The following PLAGL1 variants were observed in gnomAD, a reference collection of about 807,000 sequenced individuals.
PLAGL1 encodes PLAG1 like zinc finger 1.
PLAGL1 carries 1 observed loss-of-function variant against 4.6 expected under a neutral mutation model. That is an observed-to-expected ratio of 0.22 (90% CI 0.08 to 1.03). The LOEUF is 1.03. PLAGL1 is among the 50% of genes least tolerant of loss of function. PLAGL1 has a pLI of 0.58. For synonymous variants in PLAGL1, 240 were observed against 237.8 expected, an observed-to-expected ratio of 1.01 and a Z score of -0.08; for missense variants, 464 against 570.4, an observed-to-expected ratio of 0.81 and a Z score of 1.90.
At chr6:144,043,525 C>A (rs911206562) in intron 1 of PLAGL1, among the ~76,000 whole-genome samples, 1 of 152,050 alleles carries the variant, frequency 6.6e-6, no homozygotes. Flanking sequence ...GGGATGAAAC[C>A]AATTTGATCT....
At position 144,005,972 on chromosome 6, in the gene PLAGL1, T is replaced by G. The variant is rs972805891; in HGVS notation, c.-584+2118A>C. The G allele has an allele frequency of 3.9e-5, 6 of 152,138 alleles. No individual in the cohort carries two copies. Among genetic ancestry groups the G allele is most frequent in the African/African-American group, 1.4e-4 (6 of 41,448 alleles). The allele number at this position is 152,138 out of a possible 1,614,324, so 9.4% of individuals were successfully genotyped here. On this transcript the variant is annotated intron_variant, in intron 1 of 7. Transcript: ENST00000674357. The surrounding 1 kb of genome is among the most constrained non-coding windows in gnomAD (Gnocchi z 4.6). ...TTTCGTTTTTCATAACAAAATTTGA[T>G]TTTAGCTAAAATTACTATATAAAAT...
intron 7 of PLAGL1, among the ~76,000 whole-genome samples, chr6:143,944,266 C>A (rs768367078): frequency 1.3e-5 from 2 of 152,132 alleles, no homozygotes; most frequent in African/African-American, 4.8e-5. Context: ...CTGCCCTATA[C>A]TGTTTATTCC....
chr6:143,986,000 A>ATATATATATATATATATC lies in PLAGL1; in HGVS notation c.-583-827_-583-826insGATATATATATATATATA, dbSNP rs1415118138. Reference sequence around the variant, plus strand: ...TATAAAATTATATATATATATATATATATATATATATCATTTAATCCTTTT... The same window carrying ATATATATATATATATATC: ...TATAAAATTATATATATATATATATATATATATATATATATATCTATATATATATCATTTAATCCTTTT... On this transcript the variant is annotated intron_variant, in intron 1 of 7. Transcript: ENST00000674357. This position sits in a 1 kb window ranked among gnomAD's most constrained non-coding sequence, Gnocchi z 4.4. 7.1e-6 allele frequency among the ~76,000 whole-genome samples: 1 copy of ATATATATATATATATATC among 140,640 alleles called. No homozygotes were observed. The highest frequency in any genetic ancestry group is 1.5e-5 in the Non-Finnish European group (1 of 64,596). 92.3% of individuals were successfully genotyped at this position (140,640 alleles called of 152,430 possible).
At chr6:144,047,912 C>T (rs538298350) in intron 1 of PLAGL1, among the ~76,000 whole-genome samples, 2 of 152,182 alleles carry the variant, frequency 1.3e-5, no homozygotes, top group African/African-American at 2.4e-5. Flanking sequence ...GACAAGGCAA[C>T]TCCCTTCCTC....
rs554776524 is a variant in PLAGL1, at chr6:143,995,962, T to C, written c.-583-10788A>G. ...AGACCTCTAATCTTTTTTCCAAAAA[T>C]ATCAAGGATAAAGGATGGTCAGGAG... On this transcript the variant is annotated intron_variant, in intron 1 of 7. Transcript: ENST00000674357. This position sits in a 1 kb window ranked among gnomAD's most constrained non-coding sequence, Gnocchi z 4.4. Among the ~76,000 whole-genome samples the C allele has an allele frequency of 6.6e-6, 1 of 152,288 alleles. No homozygotes were observed. The highest frequency in any genetic ancestry group is 1.9e-4 in the East Asian group (1 of 5,190).
chr6:144,060,089 C>G (rs565521021), intron 1 of PLAGL1, among the ~76,000 whole-genome samples: 2 of 152,054 alleles, frequency 1.3e-5, no homozygotes, highest in East Asian at 3.9e-4. Context: ...ACTCTGTTGC[C>G]CAGGCTGAAG....
At chr6:143,998,346 T>C (rs1210520316) in intron 1 of PLAGL1, among the ~76,000 whole-genome samples, 2 of 152,240 alleles carry the variant, frequency 1.3e-5, no homozygotes, top group African/African-American at 2.4e-5. Context: ...TTCTTCATTT[T>C]TAGCACAAGG....
At chr6:143,986,688 A>C (rs1327755621) in intron 1 of PLAGL1, among the ~76,000 whole-genome samples, 2 of 152,248 alleles carry the variant, frequency 1.3e-5, no homozygotes, top group East Asian at 3.8e-4. Flanking sequence ...TTAATAATAT[A>C]GCATTATTAC....
chr6:144,062,563 C>T (rs1366160377), intron 1 of PLAGL1, among the ~76,000 whole-genome samples: 1 of 151,814 alleles, frequency 6.6e-6, no homozygotes, highest in Non-Finnish European at 1.5e-5. Context: ...ACTGTTTACC[C>T]GTCCCTGTTT....
At position 143,965,047 on chromosome 6, in the gene PLAGL1, A is replaced by G. The variant is rs887545823; in HGVS notation, c.-430-229T>C. Reference sequence around the variant, plus strand: ...GCACGGAGCGGGATGGCTGATTTCCATAAGATGGAAATGATTGCATGCTGG... The same window carrying G: ...GCACGGAGCGGGATGGCTGATTTCCGTAAGATGGAAATGATTGCATGCTGG... On this transcript the variant is annotated intron_variant, in intron 4 of 7. Transcript: ENST00000674357. This position sits in a 1 kb window ranked among gnomAD's most constrained non-coding sequence, Gnocchi z 7.5. 4.6e-5 allele frequency: 7 copies of G among 152,218 alleles called. No individual in the cohort carries two copies. The highest frequency in any genetic ancestry group is 1.4e-4 in the African/African-American group (6 of 41,452). 9.4% of individuals were successfully genotyped at this position (152,218 alleles called of 1,614,324 possible). A position where few individuals can be genotyped will look rare whatever the true frequency, so the allele number is the denominator to read the frequency against.
intron 1 of PLAGL1, among the ~76,000 whole-genome samples, chr6:144,002,313 ACAT>A (rs1793081070): frequency 6.6e-6 from 1 of 152,200 alleles, no homozygotes; most frequent in South Asian, 2.1e-4. Context: ...AGTACAGTAA[ACAT>A]CACCCTTAAT....
rs1169364361 is a variant in PLAGL1 at position 143,948,850 on chromosome 6, A to G, written c.-324-390T>C. 3.9e-5 allele frequency among the ~76,000 whole-genome samples: 6 copies of G among 152,186 alleles called. No individual in the cohort carries two copies. Among genetic ancestry groups the G allele is most frequent in the Non-Finnish European group, 8.8e-5 (6 of 68,034 alleles). ...TGTTTTTACTGGTCCATAAACAAAA[A>G]TCACCCACACTTACTCAAACCACGG... On this transcript the variant is annotated intron_variant, in intron 6 of 7. Coordinates refer to ENST00000674357, the MANE Select transcript of PLAGL1 (RefSeq NM_001317162.2). This position sits in a 1 kb window ranked among gnomAD's most constrained non-coding sequence, Gnocchi z 6.0.
intron 1 of PLAGL1, among the ~76,000 whole-genome samples, chr6:144,057,796 T>A (rs1583916196): frequency 7.5e-6 from 1 of 134,192 alleles, no homozygotes. Context: ...TTTTTTTTTT[T>A]ACCTCTACAT....
chr6:143,985,966 T>TTATATATATATCAAATTATA lies in PLAGL1; in HGVS notation c.-583-793_-583-792insTATAATTTGATATATATATA, dbSNP rs1788968512. Reference sequence around the variant, plus strand: ...GATATATATACACATATATATCAAATTATATATATATAAAATTATATATAT... The same window carrying TTATATATATATCAAATTATA: ...GATATATATACACATATATATCAAATTATATATATATCAAATTATATATATATATATAAAATTATATATAT... On this transcript the variant is annotated intron_variant, in intron 1 of 7. Coordinates refer to ENST00000674357, the MANE Select transcript of PLAGL1 (RefSeq NM_001317162.2). This position sits in a 1 kb window ranked among gnomAD's most constrained non-coding sequence, Gnocchi z 4.4. Among the ~76,000 whole-genome samples, 5 of 107,880 alleles carry TTATATATATATCAAATTATA rather than the reference T, an allele frequency of 4.6e-5. No homozygotes were observed. The highest frequency in any genetic ancestry group is 4.0e-4 in the Admixed American group (4 of 10,046). The allele number at this position is 107,880 out of a possible 152,430, so 70.8% of individuals were successfully genotyped here. A position where few individuals can be genotyped will look rare whatever the true frequency, so the allele number is the denominator to read the frequency against.
rs187320243 is a variant in PLAGL1, at chr6:143,956,446, A to T, written c.-325+4023T>A. On this transcript the variant is annotated intron_variant, in intron 6 of 7. Coordinates refer to ENST00000674357, the MANE Select transcript of PLAGL1 (RefSeq NM_001317162.2). The stretch of plus-strand genomic sequence containing the variant: ...GGTCTACTGATAGGCCTATGGTGAT[A>T]AAAATGAGCAAAATGAGAATTAAGT... 6.7e-3 allele frequency among the ~76,000 whole-genome samples: 1,018 copies of T among 152,334 alleles called. 52 individuals are homozygous for T. Among genetic ancestry groups the T allele is most frequent in the Admixed American group, 0.061 (941 of 15,308 alleles).
Position 144,027,242 on chromosome 6 carries a change from A to AGAAAGAAC in PLAGL1, c.-151+37225_-151+37226insGTTCTTTC, listed in dbSNP as rs1796420619. ...CCAACTCAAAGAACGAACGAAAGAA[A>AGAAAGAAC]GAAAGAAAGAAAGAAAGAAAGAAAG... On this transcript the variant is annotated intron_variant, in intron 1 of 3. Coordinates refer to the PLAGL1 transcript ENST00000437412. This position sits in a 1 kb window ranked among gnomAD's most constrained non-coding sequence, Gnocchi z 5.8. Among the ~76,000 whole-genome samples, 1 of 86,164 alleles carries AGAAAGAAC rather than the reference A, an allele frequency of 1.2e-5. No individual in the cohort carries two copies. The highest frequency in any genetic ancestry group is 2.6e-5 in the Non-Finnish European group (1 of 38,586). 56.5% of individuals were successfully genotyped at this position (86,164 alleles called of 152,430 possible).
rs1282780164 is a variant in PLAGL1 at position 143,952,304 on chromosome 6, G to A, written c.-324-3844C>T. Among the ~76,000 whole-genome samples the A allele has an allele frequency of 6.6e-6, 1 of 152,172 alleles. No homozygotes were observed. The highest frequency in any genetic ancestry group is 2.4e-5 in the African/African-American group (1 of 41,432). On this transcript the variant is annotated intron_variant, in intron 6 of 7. Transcript: ENST00000674357. This position sits in a 1 kb window ranked among gnomAD's most constrained non-coding sequence, Gnocchi z 6.1. ...ACCAACGATCCTAACAGAACTTACA[G>A]AGCAATGGTCCTGATGCGAGTCATT... is the stretch of plus-strand genomic sequence containing the variant.
chr6:144,031,524 G>C (rs1796831442), intron 1 of PLAGL1, among the ~76,000 whole-genome samples: 1 of 152,182 alleles, frequency 6.6e-6, no homozygotes, highest in Non-Finnish European at 1.5e-5. Flanking sequence ...GTTGATCTTT[G>C]TATAAGAAGA....
intron 1 of PLAGL1, among the ~76,000 whole-genome samples, chr6:144,041,172 T>C (rs757453985): frequency 1.3e-5 from 2 of 151,990 alleles, no homozygotes; most frequent in Non-Finnish European, 2.9e-5. Flanking sequence ...TTGTGGCAGA[T>C]ACTATTCCAA....
Sources: allele counts gnomAD v4.1 joint callset (sites outside exome capture counted in the v4.1 genomes callset), GRCh38; gene constraint gnomAD v4.1.1; non-coding constraint Gnocchi (gnomAD v3.1); transcripts MANE v1.5; gene names NCBI Gene and HGNC (gene_info 2026-07-23, HGNC 2026-07-21).